The following DNAJC5B variants were observed in gnomAD, a reference collection of about 807,000 sequenced individuals.
DNAJC5B encodes DnaJ heat shock protein family (Hsp40) member C5 beta, also known as dnaJ homolog subfamily C member 5B.
In DNAJC5B, 23 loss-of-function variants were observed where a neutral mutation model predicts 24.7. That is an observed-to-expected ratio of 0.93 (90% CI 0.67 to 1.32). The LOEUF (loss-of-function observed/expected upper bound fraction) is 1.32. Ranked by LOEUF, DNAJC5B falls within the 40% of genes most tolerant of loss-of-function variation. The pLI, the probability that DNAJC5B is intolerant of heterozygous loss-of-function variation, is 0.00. For synonymous variants in DNAJC5B, 101 were observed against 90.1 expected (o/e 1.12, Z -0.68); for missense variants, 238 against 240.8 (o/e 0.99, Z 0.08).
intron 4 of DNAJC5B, among the ~76,000 whole-genome samples, chr8:66,078,343 C>T (rs968705157): frequency 2.0e-5 from 3 of 152,114 alleles, no homozygotes; most frequent in Non-Finnish European, 2.9e-5. Flanking sequence ...ATCAGAATGG[C>T]CCTGCACGTA....
At chr8:66,015,454 C>T in the DNAJC5B span, among the ~76,000 whole-genome samples, 1 of 151,814 alleles carries the variant, frequency 6.6e-6, no homozygotes, top group Non-Finnish European at 1.5e-5. Context: ...CTTTAAGTAG[C>T]TGTGTTGGGG....
chr8:66,050,941 T>G (rs1194574165), intron 2 of DNAJC5B, among the ~76,000 whole-genome samples: 1 of 152,236 alleles, frequency 6.6e-6, no homozygotes, highest in Non-Finnish European at 1.5e-5. Context: ...ACACAGTAGC[T>G]CATTTCTCAT....
chr8:66,060,949 T>A (rs548556214), intron 3 of DNAJC5B, among the ~76,000 whole-genome samples: 1 of 152,230 alleles, frequency 6.6e-6, no homozygotes, highest in African/African-American at 2.4e-5. Flanking sequence ...AATGAACACA[T>A]AAGTAAGACA....
chr8:66,056,226 T>A (rs989448914), intron 3 of DNAJC5B, among the ~76,000 whole-genome samples: 1 of 152,072 alleles, frequency 6.6e-6, no homozygotes, highest in Non-Finnish European at 1.5e-5. Context: ...GGCATCCAGG[T>A]AGTCTCATTC....
At chr8:66,020,707 A>G (rs28408951), upstream of DNAJC5B, among the ~76,000 whole-genome samples, 5,819 of 150,308 alleles carry the variant, frequency 0.039, 266 homozygotes, top group African/African-American at 0.11. Context: ...GTGCAATCTC[A>G]ACTCATTGCA....
chr8:66,076,850 ATGC>A lies in DNAJC5B; in HGVS notation c.313_315del (p.Leu105del). On this transcript the variant is annotated inframe_deletion, in exon 4 of 6. Transcript: ENST00000276570. Reference sequence around the variant, plus strand: ...AGACGAAAACGTTAACACCTACTTCATGCTGTCGAGCTGGTGGGCAAAGGTGAA... The same window carrying A: ...AGACGAAAACGTTAACACCTACTTCATGTCGAGCTGGTGGGCAAAGGTGAA... The A allele has an allele frequency of 6.2e-7, 1 of 1,614,154 alleles. No homozygotes were observed. Among genetic ancestry groups the A allele is most frequent in the Middle Eastern group, 1.6e-4 (1 of 6,062 alleles).
chr8:66,019,213 C>T (rs1806042931), upstream of DNAJC5B, among the ~76,000 whole-genome samples: 1 of 152,132 alleles, frequency 6.6e-6, no homozygotes, highest in Non-Finnish European at 1.5e-5. Context: ...AGGTTTGATC[C>T]CTGCATATCC....
intron 4 of DNAJC5B, among the ~76,000 whole-genome samples, chr8:66,079,238 C>T (rs534318633): frequency 6.6e-6 from 1 of 152,110 alleles, no homozygotes; most frequent in African/African-American, 2.4e-5. Context: ...ATTAATTCAG[C>T]TGGTATTTTA....
chr8:66,079,687 A>G (rs1195477966), intron 4 of DNAJC5B, among the ~76,000 whole-genome samples: 1 of 152,200 alleles, frequency 6.6e-6, no homozygotes, highest in Non-Finnish European at 1.5e-5. Flanking sequence ...CAGGAGCGCC[A>G]TCACATGGGT....
intron 3 of DNAJC5B, among the ~76,000 whole-genome samples, chr8:66,066,849 C>A (rs924421211): frequency 3.3e-5 from 5 of 152,230 alleles, no homozygotes; most frequent in Non-Finnish European, 1.5e-5. Context: ...ACCTGTACTC[C>A]AAAAGCTATT....
chr8:66,081,216 A>T (rs1382733554), intron 5 of DNAJC5B, among the ~76,000 whole-genome samples: 3 of 152,174 alleles, frequency 2.0e-5, no homozygotes, highest in African/African-American at 7.2e-5. Flanking sequence ...AAAAATGTAA[A>T]GAAAGATGAG....
intron 3 of DNAJC5B, among the ~76,000 whole-genome samples, chr8:66,071,484 A>G (rs923378606): frequency 6.6e-6 from 1 of 152,258 alleles, no homozygotes; most frequent in African/African-American, 2.4e-5. Context: ...AGAAATGCAA[A>G]TCAAAACCAC....
intron 1 of DNAJC5B, among the ~76,000 whole-genome samples, chr8:66,034,463 C>T (rs1449856453): frequency 1.3e-5 from 2 of 151,938 alleles, no homozygotes; most frequent in Non-Finnish European, 2.9e-5. Flanking sequence ...TCAGAGATTT[C>T]ACTGAACAGG....
chr8:66,068,416 A>G (rs148179917), intron 3 of DNAJC5B, among the ~76,000 whole-genome samples: 2 of 152,226 alleles, frequency 1.3e-5, no homozygotes, highest in African/African-American at 4.8e-5. Context: ...CACCAAAGGA[A>G]AAAACCTTTA....
chr8:66,099,894 A>G (rs1808035749), intron 5 of DNAJC5B, 43 bp from the exon 6 acceptor site: 1 of 1,563,692 alleles, frequency 6.4e-7, no homozygotes, highest in Non-Finnish European at 8.8e-7. Flanking sequence ...AAAGAACTGT[A>G]ACATGATGAG....
chr8:66,030,640 T>C (rs1208091635), intron 1 of DNAJC5B, among the ~76,000 whole-genome samples: 1 of 152,060 alleles, frequency 6.6e-6, no homozygotes, highest in African/African-American at 2.4e-5. Flanking sequence ...TCTTTTTTTT[T>C]CTTTTCTTTT....
At chr8:66,030,563 A>T (rs1231566164) in intron 1 of DNAJC5B, among the ~76,000 whole-genome samples, 1 of 152,084 alleles carries the variant, frequency 6.6e-6, no homozygotes, top group Non-Finnish European at 1.5e-5. Context: ...TGGTAAGCCC[A>T]CCTGCTAGAG....
At chr8:66,075,450 T>G (rs1246744050) in intron 3 of DNAJC5B, among the ~76,000 whole-genome samples, 2 of 152,120 alleles carry the variant, frequency 1.3e-5, no homozygotes, top group African/African-American at 4.8e-5. Flanking sequence ...TGCTGAAATA[T>G]AGTAAACATA....
upstream of DNAJC5B, among the ~76,000 whole-genome samples, chr8:66,019,612 A>T (rs1315349485): frequency 2.0e-5 from 3 of 152,254 alleles, no homozygotes; most frequent in African/African-American, 7.2e-5. Flanking sequence ...ATACCTTTAA[A>T]TAATTTTATT....
Sources: allele counts gnomAD v4.1 joint callset (sites outside exome capture counted in the v4.1 genomes callset), GRCh38; gene constraint gnomAD v4.1.1; transcripts MANE v1.5; gene names NCBI Gene and HGNC (gene_info 2026-07-23, HGNC 2026-07-21).